The following NEGR1 variants were observed in gnomAD, a reference collection of about 807,000 sequenced individuals.
The protein encoded by NEGR1 is IgLON family member 4.
NEGR1 carries 10 observed loss-of-function variants against 40.9 expected under a neutral mutation model. The observed-to-expected ratio is 0.24, with a 90% CI of 0.15 to 0.42. NEGR1 has a LOEUF of 0.42. NEGR1 is among the 10% of genes least tolerant of loss of function. The pLI, the probability that NEGR1 is intolerant of heterozygous loss-of-function variation, is 1.00. For missense variants in NEGR1, 352 were observed against 438.9 expected (o/e 0.80, Z 1.77); for synonymous variants, 185 against 166.8 (o/e 1.11, Z -0.84).
intron 4 of NEGR1, among the ~76,000 whole-genome samples, chr1:71,646,934 A>G (rs1476234366): frequency 6.6e-6 from 1 of 151,840 alleles, no homozygotes; most frequent in East Asian, 1.9e-4. Context: ...TAAGAAACAG[A>G]CTATAAGCGA....
intron 1 of NEGR1, among the ~76,000 whole-genome samples, chr1:72,235,811 G>T (rs1284427477): frequency 6.6e-6 from 1 of 151,956 alleles, no homozygotes; most frequent in Non-Finnish European, 1.5e-5. Context: ...TAAGAATTTG[G>T]AGAATTATCA....
At chr1:71,526,643 T>C (rs72938066) in intron 6 of NEGR1, among the ~76,000 whole-genome samples, 6,106 of 151,548 alleles carry the variant, frequency 0.04, 407 homozygotes, top group African/African-American at 0.14. Context: ...ATTCTTGAAT[T>C]AGTTCCATTC....
chr1:71,493,034 A>G (rs1646939615), intron 6 of NEGR1, among the ~76,000 whole-genome samples: 1 of 151,830 alleles, frequency 6.6e-6, no homozygotes, highest in Admixed American at 6.6e-5. Context: ...TATTCTTTGC[A>G]TTTTTCTTAG....
intron 1 of NEGR1, among the ~76,000 whole-genome samples, chr1:72,216,384 C>CGT (rs1557582731): frequency 3.4e-4 from 44 of 129,248 alleles, no homozygotes; most frequent in African/African-American, 1.3e-3. Context: ...TATATATATA[C>CGT]ATATATATAT....
chr1:71,580,530 T>A (rs1264308246), intron 6 of NEGR1, among the ~76,000 whole-genome samples: 1 of 152,100 alleles, frequency 6.6e-6, no homozygotes, highest in Non-Finnish European at 1.5e-5. Flanking sequence ...GAGTTTATCA[T>A]AGAGACAAAA....
chr1:72,012,830 CATATATACAT>C (rs1646669700), intron 1 of NEGR1, among the ~76,000 whole-genome samples: 1 of 134,724 alleles, frequency 7.4e-6, no homozygotes, highest in Non-Finnish European at 1.6e-5. Context: ...CACACACACA[CATATATACAT>C]ACATATATAT....
At chr1:71,753,179 T>A (rs1655626252) in intron 3 of NEGR1, among the ~76,000 whole-genome samples, 1 of 152,142 alleles carries the variant, frequency 6.6e-6, no homozygotes, top group African/African-American at 2.4e-5. Flanking sequence ...CTAAGAAAAT[T>A]AATATATTGC....
chr1:72,228,582 C>A (rs944010047), intron 1 of NEGR1, among the ~76,000 whole-genome samples: 1 of 151,968 alleles, frequency 6.6e-6, no homozygotes, highest in Non-Finnish European at 1.5e-5. Flanking sequence ...TATGGAGAAC[C>A]CTAATCAGTA....
intron 2 of NEGR1, among the ~76,000 whole-genome samples, chr1:71,875,536 G>A (rs1660401143): frequency 6.6e-6 from 1 of 152,120 alleles, no homozygotes; most frequent in Non-Finnish European, 1.5e-5. Context: ...TGTTAAAAAA[G>A]TCTTCATGTG....
rs116410732 is a variant in NEGR1 at position 71,665,586 on chromosome 1, C to T, written c.667+32422G>A. Among the ~76,000 whole-genome samples, 995 of 152,230 alleles carry T rather than the reference C, an allele frequency of 6.5e-3. 5 individuals are homozygous for T. The highest frequency in any genetic ancestry group is 0.011 in the South Asian group (54 of 4,824). On this transcript the variant is annotated intron_variant, in intron 4 of 6. Transcript: ENST00000357731. ...ACCCACACTCAATAAGCAGCCTGTC[C>T]CATTGTTGAACAATTCTAAATTAGA... is the stretch of plus-strand genomic sequence containing the variant.
At chr1:71,766,914 C>T (rs938315104) in intron 3 of NEGR1, among the ~76,000 whole-genome samples, 5 of 152,174 alleles carry the variant, frequency 3.3e-5, no homozygotes, top group African/African-American at 9.7e-5. Context: ...GTAACATGTG[C>T]TGGCTTTCCC....
chr1:71,406,503 C>T lies in NEGR1; in HGVS notation c.*943G>A, dbSNP rs567027590. On this transcript the variant is annotated 3_prime_UTR_variant, in exon 7 of 7. Transcript: ENST00000357731. ...AAAGATGCTGTATTGCTAGGCAATC[C>T]TTTGAGTGGACTGTGCTGTCATTTT... The T allele has an allele frequency of 5.3e-5, 8 of 152,052 alleles. No homozygotes were observed. The highest frequency in any genetic ancestry group is 1.7e-4 in the African/African-American group (7 of 41,540). 9.4% of individuals were successfully genotyped at this position (152,052 alleles called of 1,614,324 possible).
chr1:71,502,286 A>C (rs1647004785), intron 6 of NEGR1, among the ~76,000 whole-genome samples: 1 of 152,122 alleles, frequency 6.6e-6, no homozygotes, highest in African/African-American at 2.4e-5. Context: ...TAACCTTATA[A>C]GGGGGATAAT....
intron 4 of NEGR1, among the ~76,000 whole-genome samples, chr1:71,633,314 C>T (rs1246322016): frequency 6.6e-6 from 1 of 152,050 alleles, no homozygotes; most frequent in African/African-American, 2.4e-5. Context: ...ATATTACAGT[C>T]CCTTGGCAGT....
At chr1:71,948,839 T>C (rs1453693250) in intron 1 of NEGR1, among the ~76,000 whole-genome samples, 2 of 152,100 alleles carry the variant, frequency 1.3e-5, no homozygotes, top group Non-Finnish European at 2.9e-5. Context: ...CAACCATGAC[T>C]TTCTGGCTGG....
At chr1:71,499,594 C>A (rs1324600479) in intron 6 of NEGR1, among the ~76,000 whole-genome samples, 10 of 150,968 alleles carry the variant, frequency 6.6e-5, no homozygotes, top group Non-Finnish European at 7.4e-5. Flanking sequence ...ACACAAAGTT[C>A]CTGACCTCAC....
chr1:72,211,730 C>G (rs1570126927), intron 1 of NEGR1, among the ~76,000 whole-genome samples: 1 of 151,346 alleles, frequency 6.6e-6, no homozygotes, highest in Non-Finnish European at 1.5e-5. Context: ...ATTGATAGAC[C>G]TAACTACATA....
chr1:71,494,731 T>C (rs1646950838), intron 6 of NEGR1, among the ~76,000 whole-genome samples: 1 of 152,072 alleles, frequency 6.6e-6, no homozygotes, highest in South Asian at 2.1e-4. Flanking sequence ...GCATTGTTGG[T>C]CAAACTCACC....
chr1:72,260,877 C>G (rs1041128554), intron 1 of NEGR1, among the ~76,000 whole-genome samples: 1 of 151,862 alleles, frequency 6.6e-6, no homozygotes, highest in African/African-American at 2.4e-5. Flanking sequence ...AAAAATTAGT[C>G]TAGGAGCAAA....
Sources: gnomAD v4.1 joint callset for allele counts (sites outside exome capture counted in the v4.1 genomes callset) on GRCh38, gnomAD v4.1.1 for gene constraint, MANE v1.5 for transcripts, NCBI Gene and HGNC (gene_info 2026-07-23, HGNC 2026-07-21) for gene names.